The following PAN3 variants were observed in gnomAD, a reference collection of about 807,000 sequenced individuals.
The protein encoded by PAN3 is poly(A) specific ribonuclease subunit PAN3, also known as PAN2-PAN3 deadenylation complex subunit PAN3.
PAN3 carries 19 observed loss-of-function variants against 96.2 expected under a neutral mutation model. That is an observed-to-expected ratio of 0.20 (90% confidence interval 0.14 to 0.29). The LOEUF (loss-of-function observed/expected upper bound fraction) is 0.29, where lower values mean the gene tolerates loss of function less well. Ranked by LOEUF, PAN3 falls within the 10% of genes least tolerant of loss-of-function variation. The pLI, the probability that PAN3 is intolerant of heterozygous loss-of-function variation, is 1.00. For synonymous variants in PAN3, 433 were observed against 406.6 expected (o/e 1.06, Z -0.78); for missense variants, 882 against 1,108.1 (o/e 0.80, Z 2.90).
chr13:28,158,855 G>T (rs562938044), intron 1 of PAN3, among the ~76,000 whole-genome samples: 3 of 151,454 alleles, frequency 2.0e-5, no homozygotes, highest in African/African-American at 7.3e-5. Context: ...TCCAGCCTGG[G>T]TGACAGAGCA....
chr13:28,215,470 C>T (rs572111479), intron 5 of PAN3: 64 of 690,404 alleles, frequency 9.3e-5, no homozygotes, highest in African/African-American at 5.5e-4. Flanking sequence ...CAAAGATGTT[C>T]GTTGGGGGAG....
At chr13:28,208,489 A>G (rs528153493) in intron 5 of PAN3, among the ~76,000 whole-genome samples, 5 of 152,298 alleles carry the variant, frequency 3.3e-5, no homozygotes, top group African/African-American at 9.6e-5. Context: ...CAGGTTCAGT[A>G]TACCTTATCC....
At chr13:28,277,645 T>C (rs945144864) in intron 15 of PAN3, among the ~76,000 whole-genome samples, 1 of 152,228 alleles carries the variant, frequency 6.6e-6, no homozygotes, top group African/African-American at 2.4e-5. Context: ...ACCTTTTACA[T>C]TGATATTAAT....
intron 18 of PAN3, among the ~76,000 whole-genome samples, chr13:28,290,621 G>A (rs1244871891): frequency 6.6e-6 from 1 of 152,166 alleles, no homozygotes; most frequent in African/African-American, 2.4e-5. Flanking sequence ...GGCAGAGGTT[G>A]CAGTGAGCCG....
chr13:28,272,889 CTT>C (rs966923334), intron 14 of PAN3, among the ~76,000 whole-genome samples: 3 of 152,148 alleles, frequency 2.0e-5, no homozygotes, highest in Non-Finnish European at 4.4e-5. Flanking sequence ...GTCAGAGACT[CTT>C]AACTGTTCAA....
chr13:28,231,247 T>C (rs778343212), intron 6 of PAN3, among the ~76,000 whole-genome samples: 1 of 152,186 alleles, frequency 6.6e-6, no homozygotes, highest in Non-Finnish European at 1.5e-5. Flanking sequence ...GTTAAATTAA[T>C]TAATGACAGT....
chr13:28,277,137 A>G (rs1887129411), intron 14 of PAN3, 100 bp from the exon 15 acceptor site: 3 of 1,226,418 alleles, frequency 2.4e-6, no homozygotes. Context: ...CCTGCAGCTT[A>G]TTTATAATGA....
At chr13:28,217,591 A>C (rs371755139) in intron 5 of PAN3, among the ~76,000 whole-genome samples, 2 of 109,732 alleles carry the variant, frequency 1.8e-5, no homozygotes, top group African/African-American at 8.3e-5. Context: ...AAAAAACAAA[A>C]AAAAAACAAA....
At chr13:28,180,116 C>T (rs1298225207) in intron 4 of PAN3, among the ~76,000 whole-genome samples, 1 of 152,046 alleles carries the variant, frequency 6.6e-6, no homozygotes, top group African/African-American at 2.4e-5. Context: ...GACCTATGGC[C>T]AACTTTCTAG....
Position 28,138,742 on chromosome 13 carries a change from GC to G in PAN3, c.89del (p.Pro30ArgfsTer13). 1 of 1,303,038 alleles carries G rather than the reference GC, an allele frequency of 7.7e-7. No homozygotes were observed. Among genetic ancestry groups the G allele is most frequent in the Non-Finnish European group, 9.8e-7 (1 of 1,023,916 alleles). The allele number at this position is 1,303,038 out of a possible 1,614,324, so 80.7% of individuals were successfully genotyped here. A position where few individuals can be genotyped will look rare whatever the true frequency, so the allele number is the denominator to read the frequency against. ...SSLAAAVAVV[A>X]PPGVGGVPGG... The stretch of plus-strand genomic sequence containing the variant: ...GCTGGCGGCGGCGGTGGCGGTGGTG[GC>G]CCCGCCGGGGGTCGGGGGTGTCCCC... On this transcript the variant is annotated frameshift_variant, in exon 1 of 19. Coordinates refer to ENST00000380958, the MANE Select transcript of PAN3 (RefSeq NM_175854.8). LOFTEE classifies it high-confidence loss of function.
Position 28,267,133 on chromosome 13 carries a change from G to A in PAN3, c.1612G>A (p.Asp538Asn), listed in dbSNP as rs370366529. 9 of 1,612,520 alleles carry A rather than the reference G, an allele frequency of 5.6e-6. No homozygotes were observed. The African/African-American group carries it at 8.0e-5, about 14-fold the overall frequency. The change falls in exon 11 of 19, where the codon GAC becomes AAC. Residue 538 changes from aspartate (D) to asparagine (N), a missense_variant. By Grantham distance (23) the Asp-to-Asn change is conservative. Coordinates refer to ENST00000380958, the MANE Select transcript of PAN3 (RefSeq NM_175854.8). ...LVNTKCMVLV[D>N]MWKKIQHSNI... ...TAACACAAAGTGCATGGTGTTGGTC[G>A]ACATGTGGAAGAAAATTCAACACTC...
intron 12 of PAN3, among the ~76,000 whole-genome samples, chr13:28,269,182 A>G (rs555368554): frequency 6.6e-6 from 1 of 152,190 alleles, no homozygotes; most frequent in Admixed American, 6.5e-5. Context: ...CTCTACCCCT[A>G]TTGTAATGCC....
chr13:28,186,842 T>G (rs1372300928), intron 4 of PAN3, among the ~76,000 whole-genome samples: 2 of 151,884 alleles, frequency 1.3e-5, no homozygotes, highest in Non-Finnish European at 1.5e-5. Flanking sequence ...ATGCATTTGG[T>G]AAGGGACTGA....
chr13:28,215,188 G>C (rs1880577732), intron 5 of PAN3: 1 of 713,054 alleles, frequency 1.4e-6, no homozygotes, highest in Non-Finnish European at 2.6e-6. Context: ...AGCACCAGTG[G>C]AACCACACTG....
At chr13:28,254,733 A>G (rs1885003268) in intron 6 of PAN3, among the ~76,000 whole-genome samples, 1 of 152,132 alleles carries the variant, frequency 6.6e-6, no homozygotes, top group Admixed American at 6.5e-5. Context: ...GGGTTTTTTT[A>G]AAGTTTCTTT....
At chr13:28,263,217 G>A (rs1019430888) in intron 9 of PAN3, among the ~76,000 whole-genome samples, 2 of 152,162 alleles carry the variant, frequency 1.3e-5, no homozygotes, top group Non-Finnish European at 2.9e-5. Context: ...GATAGCACAG[G>A]GTTAAACAGA....
chr13:28,248,853 A>G (rs1480697547), intron 6 of PAN3, among the ~76,000 whole-genome samples: 2 of 152,154 alleles, frequency 1.3e-5, no homozygotes, highest in Non-Finnish European at 2.9e-5. Context: ...GGTTTGTCAT[A>G]TATAGCTTTT....
At chr13:28,199,220 A>C (rs1878418087) in intron 5 of PAN3, among the ~76,000 whole-genome samples, 1 of 152,114 alleles carries the variant, frequency 6.6e-6, no homozygotes, top group South Asian at 2.1e-4. Context: ...GTGAAATTGG[A>C]ATTACTTGTA....
intron 1 of PAN3, among the ~76,000 whole-genome samples, chr13:28,161,787 C>T (rs1274775503): frequency 1.3e-5 from 2 of 152,206 alleles, no homozygotes; most frequent in Non-Finnish European, 1.5e-5. Context: ...TGTTTTCTGA[C>T]AGTTTGACTT....
Sources: allele counts gnomAD v4.1 joint callset (sites outside exome capture counted in the v4.1 genomes callset), GRCh38; gene constraint gnomAD v4.1.1; transcripts MANE v1.5; gene names NCBI Gene and HGNC (gene_info 2026-07-23, HGNC 2026-07-21).